PLEKHA6: variants seen among roughly 807,000 people sequenced by gnomAD.
The protein encoded by PLEKHA6 is pleckstrin homology domain containing A6.
In PLEKHA6, 60 loss-of-function variants were observed where a neutral mutation model predicts 116.7. The observed-to-expected ratio is 0.51, with a 90% CI of 0.42 to 0.64. The LOEUF is 0.64. Ranked by LOEUF, PLEKHA6 falls within the 30% of genes least tolerant of loss-of-function variation. The probability of loss-of-function intolerance (pLI) is 0.00; values close to 1 mark genes in which losing one functional copy is unlikely to be tolerated. For missense variants in PLEKHA6, 1,338 were observed against 1,422.7 expected (o/e 0.94, Z 0.96); for synonymous variants, 489 against 556.1 (o/e 0.88, Z 1.70).
chr1:204,273,587 G>A (rs112578554), intron 3 of PLEKHA6, 39 bp downstream of exon 3: 62 of 1,371,164 alleles, frequency 4.5e-5, no homozygotes, highest in Non-Finnish European at 5.8e-5. Context: ...CACTGAAGAC[G>A]TTTCCAGCCC....
At chr1:204,262,605 C>T (rs1666269174) in intron 6 of PLEKHA6, among the ~76,000 whole-genome samples, 1 of 152,130 alleles carries the variant, frequency 6.6e-6, no homozygotes, top group Non-Finnish European at 1.5e-5. Context: ...GTTGAGATAG[C>T]TTCAGGGCTC....
chr1:204,231,766 G>A (rs775001916), intron 17 of PLEKHA6, among the ~76,000 whole-genome samples: 5 of 151,982 alleles, frequency 3.3e-5, no homozygotes, highest in Non-Finnish European at 4.4e-5. Context: ...TAGAGATGAG[G>A]TCTTGCTTTC....
Position 204,219,839 on chromosome 1 carries a change from G to T in PLEKHA6, c.*2949C>A, listed in dbSNP as rs1659466525. The T allele has an allele frequency of 6.6e-6, 1 of 152,278 alleles. No individual in the cohort carries two copies. Among genetic ancestry groups the T allele is most frequent in the African/African-American group, 2.4e-5 (1 of 41,442 alleles). 9.4% of individuals were successfully genotyped at this position (152,278 alleles called of 1,614,324 possible). On this transcript the variant is annotated 3_prime_UTR_variant, in exon 23 of 23. Coordinates refer to ENST00000272203, the MANE Select transcript of PLEKHA6 (RefSeq NM_014935.5). ...CAGCCTGCTGGGGTAAAGTCCCGGG[G>T]GTTTCTTGGGTGAGGTTGAGATGCC...
intron 1 of PLEKHA6, among the ~76,000 whole-genome samples, chr1:204,295,489 C>A (rs982027959): frequency 1.9e-3 from 229 of 121,946 alleles, no homozygotes; most frequent in African/African-American, 2.1e-3. Flanking sequence ...GATGCCATCT[C>A]AAAAAAAAAA....
At chr1:204,280,230 G>A (rs1411914873) in intron 1 of PLEKHA6, 1 of 841,280 alleles carries the variant, frequency 1.2e-6, no homozygotes, top group Admixed American at 6.2e-5. Context: ...ACTCTGCATT[G>A]CTTCATCTCC....
chr1:204,284,315 C>T (rs1464204722), intron 1 of PLEKHA6, among the ~76,000 whole-genome samples: 1 of 152,226 alleles, frequency 6.6e-6, no homozygotes, highest in African/African-American at 2.4e-5. Flanking sequence ...CAGGGAGACC[C>T]ATTCTGCCTC....
rs1666063875 is a variant in PLEKHA6 at position 204,261,160 on chromosome 1, C to T, written c.524+146G>A. ...GCTCTGAAATCACTCAGCCAGGCCT[C>T]CCGCCTGGATGCAAGGAGACGGCTC... is the stretch of plus-strand genomic sequence containing the variant. On this transcript the variant is annotated intron_variant, in intron 7 of 22. Coordinates refer to ENST00000272203, the MANE Select transcript of PLEKHA6 (RefSeq NM_014935.5). The surrounding 1 kb of genome is among the most constrained non-coding windows in gnomAD (Gnocchi z 4.0). 1.1e-6 allele frequency: 1 copy of T among 927,570 alleles called. No homozygotes were observed. Among genetic ancestry groups the T allele is most frequent in the African/African-American group, 1.6e-5 (1 of 61,098 alleles). 57.5% of individuals were successfully genotyped at this position (927,570 alleles called of 1,614,324 possible).
chr1:204,257,814 A>T lies in PLEKHA6; in HGVS notation c.1063T>A (p.Ser355Thr). 6.2e-7 allele frequency: 1 copy of T among 1,613,834 alleles called. No individual in the cohort carries two copies. Among genetic ancestry groups the T allele is most frequent in the Middle Eastern group, 1.7e-4 (1 of 6,060 alleles). The change falls in exon 9 of 23, where the codon TCC (serine) becomes ACC (threonine). Residue 355 changes from serine to threonine, a missense_variant. Around this residue, in one of 3 missense-constraint regions of PLEKHA6, gnomAD observed 1,136 missense variants for 1,163.6 expected, o/e 0.98. Coordinates refer to ENST00000272203, the MANE Select transcript of PLEKHA6 (RefSeq NM_014935.5). This position sits in a 1 kb window ranked among gnomAD's most constrained non-coding sequence, Gnocchi z 6.5. Reference sequence around the variant, plus strand: ...TGATAATCATCGGGGTACTGGGAGGAGTAGGGGCCATAGTACTCAGGGACC... The same window carrying T: ...TGATAATCATCGGGGTACTGGGAGGTGTAGGGGCCATAGTACTCAGGGACC... The part of the protein sequence containing the change: ...RRVPEYYGPY[S>T]SQYPDDYQYY...
At chr1:204,243,972 C>A (rs1663234927) in intron 15 of PLEKHA6, among the ~76,000 whole-genome samples, 1 of 152,024 alleles carries the variant, frequency 6.6e-6, no homozygotes, top group South Asian at 2.1e-4. Flanking sequence ...AGGCACCAGC[C>A]ACCACGCCCG....
At chr1:204,249,458 G>T (rs1189913893) in intron 10 of PLEKHA6, among the ~76,000 whole-genome samples, 194 bp from the exon 11 acceptor site, 5 of 152,112 alleles carry the variant, frequency 3.3e-5, no homozygotes, top group Non-Finnish European at 5.9e-5. Flanking sequence ...GGGAGGTGAG[G>T]TATGCTTACT....
At position 204,250,630 on chromosome 1, in the gene PLEKHA6, G is replaced by A; in HGVS notation, c.1525-16C>T. The A allele has an allele frequency of 6.3e-7, 1 of 1,587,248 alleles. No homozygotes were observed. On this transcript the variant is annotated splice_polypyrimidine_tract_variant and intron_variant, in intron 9 of 22. Coordinates refer to ENST00000272203, the MANE Select transcript of PLEKHA6 (RefSeq NM_014935.5). ...ATGGAGGGACCTGCAGGAACATGAG[G>A]CCGGTTACTGCAGCAGGGGCAGGAT... is the stretch of plus-strand genomic sequence containing the variant.
chr1:204,256,106 G>C (rs913832301), intron 9 of PLEKHA6, among the ~76,000 whole-genome samples: 1 of 152,190 alleles, frequency 6.6e-6, no homozygotes, highest in Non-Finnish European at 1.5e-5. Context: ...AGAGGGGAAG[G>C]AGCAGCCGCC....
At chr1:204,337,032 A>C (rs922885618) in intron 1 of PLEKHA6, among the ~76,000 whole-genome samples, 10 of 152,262 alleles carry the variant, frequency 6.6e-5, no homozygotes, top group East Asian at 3.8e-4. Context: ...TTAAAATCTC[A>C]TCTCTTTCTG....
At position 204,223,477 on chromosome 1, in the gene PLEKHA6, C is replaced by G; in HGVS notation, c.3140G>C (p.Arg1047Pro). ...PRGADSSYTM[R>P]V ...AAGTGCTTACGTCAGAGCTCAGACC[C>G]GCATGGTATAGCTGCTGTCGGCGCC... is the stretch of plus-strand genomic sequence containing the variant. Residue 1047 changes from arginine (R) to proline (P), a missense_variant, in exon 22 of 23, where the codon CGG (arginine) becomes CCG (proline). Physicochemically the swap from Arg to Pro is moderately radical, Grantham distance 103. Around this residue, in one of 3 missense-constraint regions of PLEKHA6, gnomAD observed 1,136 missense variants for 1,163.6 expected, o/e 0.98. Transcript: ENST00000272203. This position sits in a 1 kb window ranked among gnomAD's most constrained non-coding sequence, Gnocchi z 4.8. The G allele has an allele frequency of 6.5e-7, 1 of 1,538,904 alleles. No individual in the cohort carries two copies. Among genetic ancestry groups the G allele is most frequent in the Non-Finnish European group, 8.8e-7 (1 of 1,135,540 alleles).
Position 204,305,187 on chromosome 1 carries a change from G to C in PLEKHA6, c.-94-30378C>G, listed in dbSNP as rs548197282. On this transcript the variant is annotated intron_variant, in intron 1 of 22. Transcript: ENST00000272203. ...CGATGAGGGGGCCCAGAGAGGACTG[G>C]TTCCATACCAGGGAGCAGTTTTCCA... Among the ~76,000 whole-genome samples the C allele has an allele frequency of 2.6e-5, 4 of 152,268 alleles. No individual in the cohort carries two copies. In the East Asian group the frequency reaches 7.7e-4, roughly 29 times the overall value.
chr1:204,318,948 G>A (rs4259727), intron 1 of PLEKHA6, among the ~76,000 whole-genome samples: 45,632 of 152,076 alleles, frequency 0.3, 7,098 homozygotes, highest in African/African-American at 0.38. Context: ...TTCCGGTCCA[G>A]TAAATGGGAG....
intron 1 of PLEKHA6, among the ~76,000 whole-genome samples, chr1:204,322,456 T>A (rs549959787): frequency 6.6e-6 from 1 of 152,232 alleles, no homozygotes; most frequent in East Asian, 1.9e-4. Context: ...CCACACCAGC[T>A]CCCTGGCGTG....
Position 204,259,868 on chromosome 1 carries a change from T to C in PLEKHA6, c.525-128A>G. 2.1e-6 allele frequency: 2 copies of C among 946,854 alleles called. No homozygotes were observed. Among genetic ancestry groups the C allele is most frequent in the Non-Finnish European group, 3.1e-6 (2 of 649,562 alleles). 58.7% of individuals were successfully genotyped at this position (946,854 alleles called of 1,614,324 possible). A position where few individuals can be genotyped will look rare whatever the true frequency, so the allele number is the denominator to read the frequency against. On this transcript the variant is annotated intron_variant, in intron 7 of 22. Transcript: ENST00000272203. The surrounding 1 kb of genome is among the most constrained non-coding windows in gnomAD (Gnocchi z 4.6). ...GGAGGTGGCTGGAACCAGGATTCTA[T>C]GAACTCCAGTTCTGCTTCCTAAGTC...
At chr1:204,353,739 G>A (rs909135393) in intron 1 of PLEKHA6, among the ~76,000 whole-genome samples, 1 of 152,130 alleles carries the variant, frequency 6.6e-6, no homozygotes, top group Non-Finnish European at 1.5e-5. Context: ...GGCTCAGAAG[G>A]GGAAAAGCAT....
Sources: allele counts gnomAD v4.1 joint callset (sites outside exome capture counted in the v4.1 genomes callset), GRCh38; gene constraint gnomAD v4.1.1; regional missense constraint gnomAD v4.1.1; non-coding constraint Gnocchi (gnomAD v3.1); transcripts MANE v1.5; gene names NCBI Gene and HGNC (gene_info 2026-07-23, HGNC 2026-07-21).